The following POM121C variants were observed in gnomAD, a reference collection of about 807,000 sequenced individuals.
POM121C encodes the protein nuclear envelope pore membrane protein POM 121C.
Under a neutral mutation model 66.4 loss-of-function variants are expected in POM121C, and 20 were observed. That is an observed-to-expected ratio of 0.30 (90% CI 0.21 to 0.44). POM121C has a LOEUF of 0.44. Among genes scored for constraint, POM121C ranks in the 20% least tolerant of loss-of-function variants. POM121C has a pLI of 1.00. For missense variants in POM121C, 580 were observed against 1,225.7 expected, an observed-to-expected ratio of 0.47 and a Z score of 7.87; for synonymous variants, 286 against 528.0, an observed-to-expected ratio of 0.54 and a Z score of 6.28.
At chr7:75,424,946 G>A in intron 10 of POM121C, 128 bp downstream of exon 10, 1 of 1,495,572 alleles carries the variant, frequency 6.7e-7, no homozygotes, top group African/African-American at 1.4e-5. Context: ...GGTGACAGAG[G>A]GATGTTGTCT....
chr7:75,423,863 C>G (rs1554471298), intron 12 of POM121C, among the ~76,000 whole-genome samples, 186 bp downstream of exon 12: 1 of 152,186 alleles, frequency 6.6e-6, no homozygotes, highest in Non-Finnish European at 1.5e-5. Flanking sequence ...TCGCAGCACC[C>G]CTTCTCTAAC....
chr7:75,479,276 C>T (rs1376926742), intron 1 of POM121C, among the ~76,000 whole-genome samples: 1 of 152,094 alleles, frequency 6.6e-6, no homozygotes, highest in Non-Finnish European at 1.5e-5. Context: ...ATGAAGAGTA[C>T]CAGAAATGGT....
At chr7:75,478,034 T>A (rs1554479633) in intron 1 of POM121C, among the ~76,000 whole-genome samples, 1 of 152,222 alleles carries the variant, frequency 6.6e-6, no homozygotes, top group Non-Finnish European at 1.5e-5. Flanking sequence ...TGGCACAATC[T>A]TGGCTCACTG....
intron 5 of POM121C, 85 bp from the exon 6 acceptor site, chr7:75,439,309 A>G: frequency 6.4e-7 from 1 of 1,555,518 alleles, no homozygotes; most frequent in Non-Finnish European, 8.9e-7. Context: ...CTGGGACCTT[A>G]TACTATCTCT....
chr7:75,428,099 C>T (rs6956907), intron 7 of POM121C, among the ~76,000 whole-genome samples: 1 of 151,842 alleles, frequency 6.6e-6, no homozygotes, highest in Non-Finnish European at 1.5e-5. Flanking sequence ...ATCCCTGACA[C>T]TACCTCGCTG....
intron 13 of POM121C, chr7:75,420,615 T>G (rs1422384721): frequency 6.6e-6 from 1 of 152,268 alleles, no homozygotes; most frequent in Admixed American, 6.5e-5. Flanking sequence ...ACCCCTTTTT[T>G]ATACACTTTA....
intron 3 of POM121C, among the ~76,000 whole-genome samples, chr7:75,462,594 G>T (rs1791480244): frequency 6.6e-6 from 1 of 152,150 alleles, no homozygotes; most frequent in Admixed American, 6.5e-5. Context: ...CAGCAGAGCA[G>T]ACCTTATTCT....
At chr7:75,471,526 C>T (rs113671519) in intron 3 of POM121C, among the ~76,000 whole-genome samples, 2,254 of 151,950 alleles carry the variant, frequency 0.015, 27 homozygotes, top group Middle Eastern at 0.048. Context: ...AAACACAAAA[C>T]GGGGGCAGGG....
intron 7 of POM121C, among the ~76,000 whole-genome samples, chr7:75,428,202 C>T (rs879991931): frequency 1.3e-5 from 2 of 151,898 alleles, no homozygotes; most frequent in African/African-American, 2.4e-5. Flanking sequence ...TGCAGTGGCA[C>T]GATCTCACCT....
At chr7:75,462,562 G>C (rs1172601052) in intron 3 of POM121C, among the ~76,000 whole-genome samples, 1 of 152,166 alleles carries the variant, frequency 6.6e-6, no homozygotes, top group African/African-American at 2.4e-5. Flanking sequence ...CACATTCCCA[G>C]TGTGGTTTCT....
At chr7:75,461,200 C>CA (rs1332567406) in intron 3 of POM121C, among the ~76,000 whole-genome samples, 17 of 151,898 alleles carry the variant, frequency 1.1e-4, no homozygotes, top group Admixed American at 6.6e-4. Context: ...ACGTTCTCAA[C>CA]AAAAAACCAC....
intron 13 of POM121C, chr7:75,419,684 C>A: frequency 1.9e-6 from 1 of 520,246 alleles, no homozygotes. Flanking sequence ...AGCCCCCCTG[C>A]CCCGCAGCCA....
chr7:75,468,740 A>C (rs1181926441), intron 3 of POM121C, among the ~76,000 whole-genome samples: 2 of 152,264 alleles, frequency 1.3e-5, no homozygotes, highest in East Asian at 3.9e-4. Flanking sequence ...ACATGTGCAA[A>C]GCCAGGTGCA....
intron 7 of POM121C, among the ~76,000 whole-genome samples, chr7:75,428,277 C>T (rs1338193648): frequency 6.6e-6 from 1 of 152,088 alleles, no homozygotes; most frequent in Non-Finnish European, 1.5e-5. Flanking sequence ...GTAGCTGGGA[C>T]TACAGGAGCA....
chr7:75,465,955 A>G (rs1387950591), intron 3 of POM121C, among the ~76,000 whole-genome samples: 14 of 150,430 alleles, frequency 9.3e-5, no homozygotes, highest in African/African-American at 3.4e-4. Flanking sequence ...ATTAAAAAAA[A>G]TAAAACATAT....
At chr7:75,463,449 C>CT (rs1191010098) in intron 3 of POM121C, among the ~76,000 whole-genome samples, 3,996 of 120,764 alleles carry the variant, frequency 0.033, 164 homozygotes, top group African/African-American at 0.097. Flanking sequence ...CTGGGTTTTT[C>CT]TTTTTTTTTT....
intron 3 of POM121C, among the ~76,000 whole-genome samples, chr7:75,447,251 A>C (rs1458820054): frequency 2.0e-5 from 3 of 152,062 alleles, no homozygotes; most frequent in Non-Finnish European, 4.4e-5. Context: ...CAAAGTTGAG[A>C]TATGGAAAAA....
intron 3 of POM121C, among the ~76,000 whole-genome samples, chr7:75,456,944 T>C (rs1554476380): frequency 6.6e-6 from 1 of 150,568 alleles, no homozygotes; most frequent in African/African-American, 2.4e-5. Context: ...GTCAGGAGTT[T>C]GAGACCAGCC....
chr7:75,424,315 T>C lies in POM121C; in HGVS notation c.872-90A>G, dbSNP rs1210050812. 1.4e-5 allele frequency: 21 copies of C among 1,524,226 alleles called. 1 individual carries two copies. In the South Asian group the frequency reaches 2.1e-4, roughly 15 times the overall value. The allele number at this position is 1,524,226 out of a possible 1,614,324, so 94.4% of individuals were successfully genotyped here. ...GAGAGCAGGCTCTCAGCACAGCTCA[T>C]GGAGGAATGTCTGCCCTAAATTGCA... On this transcript the variant is annotated intron_variant, in intron 11 of 14. Transcript: ENST00000615331.
Sources: allele counts gnomAD v4.1 joint callset (sites outside exome capture counted in the v4.1 genomes callset), GRCh38; gene constraint gnomAD v4.1.1; transcripts MANE v1.5; gene names NCBI Gene and HGNC (gene_info 2026-07-23, HGNC 2026-07-21).